ARB2A: variants seen among roughly 807,000 people sequenced by gnomAD.
The protein encoded by ARB2A is ARB2 cotranscriptional regulator A.
chr5:93,942,256 G>A, the ARB2A span, among the ~76,000 whole-genome samples: 13 of 152,064 alleles, frequency 8.5e-5, no homozygotes, highest in African/African-American at 4.8e-5. Context: ...GGGTGGCCTC[G>A]TATACCTTGT....
the ARB2A span, among the ~76,000 whole-genome samples, chr5:93,765,789 A>C: frequency 5.9e-5 from 9 of 152,168 alleles, no homozygotes; most frequent in African/African-American, 2.2e-4. Flanking sequence ...TTCAAACTAT[A>C]CTACAAGGCT....
the ARB2A span, among the ~76,000 whole-genome samples, chr5:93,988,485 TTA>T: frequency 2.0e-5 from 3 of 152,200 alleles, no homozygotes; most frequent in Admixed American, 6.5e-5. Context: ...CATTCTTTGC[TTA>T]CGTTAACATC....
chr5:93,748,776 CTA>C, the ARB2A span, among the ~76,000 whole-genome samples: 1 of 151,898 alleles, frequency 6.6e-6, no homozygotes, highest in Admixed American at 6.6e-5. Flanking sequence ...AATAATAAAA[CTA>C]ATTTTATTTA....
chr5:94,010,932 G>C, the ARB2A span, among the ~76,000 whole-genome samples: 1 of 152,110 alleles, frequency 6.6e-6, no homozygotes, highest in Non-Finnish European at 1.5e-5. Context: ...AGGCCTGTAA[G>C]CCATATCAAG....
At chr5:93,866,228 A>C in the ARB2A span, 21 of 985,138 alleles carry the variant, frequency 2.1e-5, no homozygotes, top group Non-Finnish European at 2.5e-5. Flanking sequence ...CTCCTCTGTG[A>C]AGTCAAAATA....
the ARB2A span, among the ~76,000 whole-genome samples, chr5:94,089,608 C>CACACAG: frequency 6.7e-6 from 1 of 150,222 alleles, no homozygotes; most frequent in Non-Finnish European, 1.5e-5. Flanking sequence ...CACACACACA[C>CACACAG]ACACACACAC....
chr5:93,897,504 C>T, the ARB2A span, among the ~76,000 whole-genome samples: 2 of 151,686 alleles, frequency 1.3e-5, no homozygotes, highest in African/African-American at 4.8e-5. Context: ...AATAAATTAG[C>T]AAAAAGGACA....
the ARB2A span, among the ~76,000 whole-genome samples, chr5:93,835,350 G>C: frequency 1.3e-5 from 2 of 152,156 alleles, no homozygotes; most frequent in Non-Finnish European, 1.5e-5. Flanking sequence ...TTCTCCCTTT[G>C]AGACTGCTTA....
chr5:93,997,539 C>A, the ARB2A span, among the ~76,000 whole-genome samples: 2 of 152,012 alleles, frequency 1.3e-5, no homozygotes, highest in Non-Finnish European at 2.9e-5. Context: ...GAAACCCACA[C>A]TTAATGTTAG....
At chr5:93,798,218 C>T in the ARB2A span, among the ~76,000 whole-genome samples, 1 of 152,046 alleles carries the variant, frequency 6.6e-6, no homozygotes, top group East Asian at 1.9e-4. Flanking sequence ...ATGAAATCTA[C>T]CATACTACTT....
the ARB2A span, among the ~76,000 whole-genome samples, chr5:93,810,198 T>C: frequency 6.6e-6 from 1 of 151,106 alleles, no homozygotes; most frequent in African/African-American, 2.4e-5. Context: ...AGGTTTCGTT[T>C]TTTTTTTTTT....
chr5:93,986,297 G>A, the ARB2A span, among the ~76,000 whole-genome samples: 18 of 147,780 alleles, frequency 1.2e-4, no homozygotes, highest in Non-Finnish European at 1.6e-4. Flanking sequence ...GGGCGCCCCC[G>A]CCCAGCAGCC....
the ARB2A span, among the ~76,000 whole-genome samples, chr5:93,900,614 A>G: frequency 1.9e-3 from 207 of 111,346 alleles, no homozygotes; most frequent in African/African-American, 6.1e-3. Context: ...ACGCTGTCTC[A>G]AAAAAAAAAA....
chr5:93,691,777 A>G, the ARB2A span, among the ~76,000 whole-genome samples: 2 of 152,160 alleles, frequency 1.3e-5, no homozygotes, highest in Non-Finnish European at 2.9e-5. Flanking sequence ...AGCCAGAGAG[A>G]AAGATCAGAT....
chr5:94,024,618 G>A, the ARB2A span, among the ~76,000 whole-genome samples: 1 of 151,714 alleles, frequency 6.6e-6, no homozygotes, highest in Non-Finnish European at 1.5e-5. Context: ...AAACACTAAG[G>A]GAAATAATGT....
the ARB2A span, among the ~76,000 whole-genome samples, chr5:93,764,347 T>C: frequency 1.3e-5 from 2 of 151,866 alleles, no homozygotes; most frequent in East Asian, 3.9e-4. Context: ...ATAGACGCAA[T>C]AAAAAATGAT....
At chr5:93,853,053 G>A in the ARB2A span, among the ~76,000 whole-genome samples, 2 of 152,102 alleles carry the variant, frequency 1.3e-5, no homozygotes, top group East Asian at 3.9e-4. Context: ...TGGGCAGTAT[G>A]GCCATTTTCA....
chr5:93,754,495 G>A, the ARB2A span, among the ~76,000 whole-genome samples: 1 of 152,208 alleles, frequency 6.6e-6, no homozygotes, highest in African/African-American at 2.4e-5. Context: ...AAGTACATAA[G>A]CCTTAGCAGC....
At chr5:93,865,875 A>G in the ARB2A span, 2 of 985,452 alleles carry the variant, frequency 2.0e-6, no homozygotes, top group Non-Finnish European at 2.4e-6. Context: ...TGAGGTTAAA[A>G]GGTAGGAAAA....
Sources: gnomAD v4.1 joint callset for allele counts (sites outside exome capture counted in the v4.1 genomes callset) on GRCh38, gnomAD v4.1.1 for gene constraint, MANE v1.5 for transcripts, NCBI Gene and HGNC (gene_info 2026-07-23, HGNC 2026-07-21) for gene names.